The following SH3GLB1 variants were observed in gnomAD, a reference collection of about 807,000 sequenced individuals.
SH3GLB1 encodes the protein SH3 domain containing GRB2 like, endophilin B1.
In SH3GLB1, 17 loss-of-function variants were observed where a neutral mutation model predicts 42.0. That is an observed-to-expected ratio of 0.40 (90% CI 0.28 to 0.61). The LOEUF (loss-of-function observed/expected upper bound fraction) is 0.61, where lower values mean the gene tolerates loss of function less well. Ranked by LOEUF, SH3GLB1 falls within the 20% of genes least tolerant of loss-of-function variation. The pLI is 0.36. For synonymous variants in SH3GLB1, 132 were observed against 146.6 expected, an observed-to-expected ratio of 0.90 and a Z score of 0.72; for missense variants, 355 against 426.3, an observed-to-expected ratio of 0.83 and a Z score of 1.47.
Position 86,747,307 on chromosome 1 carries a change from A to T in SH3GLB1, c.*4072A>T, listed in dbSNP as rs1033305632. On this transcript the variant is annotated 3_prime_UTR_variant, in exon 9 of 9. Coordinates refer to ENST00000370558, the MANE Select transcript of SH3GLB1 (RefSeq NM_016009.5). The stretch of plus-strand genomic sequence containing the variant: ...AATGAAAGAAAAATGCAAATTTATA[A>T]GCCTTTTCAGAGACCTACTGAATCA... The T allele has an allele frequency of 1.3e-5, 2 of 152,642 alleles. No homozygotes were observed. The highest frequency in any genetic ancestry group is 1.3e-4 in the Admixed American group (2 of 15,276). The allele number at this position is 152,642 out of a possible 1,614,324, so 9.5% of individuals were successfully genotyped here.
In SH3GLB1 at chr1:86,742,336, A is replaced by G. The variant is rs774326140; in HGVS notation, c.890A>G (p.Asn297Ser). ...TSGLVITSPSNLSDLKECSGS... is the reference protein window; with the variant it reads ...TSGLVITSPSSLSDLKECSGS... ...GGCCTAGTAATCACCTCTCCTTCCA[A>G]CCTCAGTGACCTTAAGGAGTGTAGT... is the stretch of plus-strand genomic sequence containing the variant. Residue 297 changes from asparagine to serine, a missense_variant, in exon 8 of 9, where the codon AAC becomes AGC. By Grantham distance (46) the Asn-to-Ser change is conservative. Transcript: ENST00000370558. The G allele has an allele frequency of 6.2e-7, 1 of 1,613,970 alleles. No individual in the cohort carries two copies. The highest frequency in any genetic ancestry group is 8.5e-7 in the Non-Finnish European group (1 of 1,179,974).
chr1:86,730,199 T>G, intron 5 of SH3GLB1: 1 of 1,521,976 alleles, frequency 6.6e-7, no homozygotes, highest in Non-Finnish European at 8.8e-7. Context: ...AACCCATGGG[T>G]CCAGTCACAG....
chr1:86,745,958 G>A lies in SH3GLB1; in HGVS notation c.*2723G>A, dbSNP rs975883541. On this transcript the variant is annotated 3_prime_UTR_variant, in exon 9 of 9. Coordinates refer to ENST00000370558, the MANE Select transcript of SH3GLB1 (RefSeq NM_016009.5). ...GGCTCTTCTATAAATGAAAAAAAAA[G>A]TGATTGGATTGTGTCTACCTTTTTC... The A allele has an allele frequency of 1.3e-5, 2 of 152,638 alleles. No individual in the cohort carries two copies. Among genetic ancestry groups the A allele is most frequent in the East Asian group, 3.9e-4 (2 of 5,176 alleles). The allele number at this position is 152,638 out of a possible 1,614,324, so 9.5% of individuals were successfully genotyped here. A position where few individuals can be genotyped will look rare whatever the true frequency, so the allele number is the denominator to read the frequency against.
chr1:86,705,640 A>G (rs1653817871), intron 1 of SH3GLB1, among the ~76,000 whole-genome samples: 1 of 152,178 alleles, frequency 6.6e-6, no homozygotes, highest in East Asian at 1.9e-4. Flanking sequence ...GGATATTGTT[A>G]TGGCTGTAGT....
intron 5 of SH3GLB1, chr1:86,728,396 A>G: frequency 4.6e-6 from 7 of 1,524,846 alleles, no homozygotes; most frequent in Non-Finnish European, 6.2e-6. Flanking sequence ...CTTACTATGC[A>G]CTTAAGCAAC....
In SH3GLB1 at chr1:86,743,279, A is replaced by T. The variant is rs747890781; in HGVS notation, c.*44A>T. 1 of 1,319,696 alleles carries T rather than the reference A, an allele frequency of 7.6e-7. No homozygotes were observed. Among genetic ancestry groups the T allele is most frequent in the Admixed American group, 2.2e-5 (1 of 44,900 alleles). 81.7% of individuals were successfully genotyped at this position (1,319,696 alleles called of 1,614,324 possible). On this transcript the variant is annotated 3_prime_UTR_variant, in exon 9 of 9. Transcript: ENST00000370558. ...GGTTGCCCATCATGACTTTGTATTT[A>T]TATACAATTAACTCTAAATAAAGCA... is the stretch of plus-strand genomic sequence containing the variant.
chr1:86,706,866 A>G (rs1377627317), intron 1 of SH3GLB1, among the ~76,000 whole-genome samples: 1 of 152,224 alleles, frequency 6.6e-6, no homozygotes. Flanking sequence ...AGCTCTCAAA[A>G]TGTGTACTTC....
At chr1:86,730,720 T>C (rs1655463745) in intron 5 of SH3GLB1, among the ~76,000 whole-genome samples, 1 of 152,100 alleles carries the variant, frequency 6.6e-6, no homozygotes, top group Non-Finnish European at 1.5e-5. Context: ...CAGGCTGGTC[T>C]CGAACTCCTG....
At chr1:86,706,390 T>C (rs1050242414) in intron 1 of SH3GLB1, among the ~76,000 whole-genome samples, 1 of 152,276 alleles carries the variant, frequency 6.6e-6, no homozygotes, top group Non-Finnish European at 1.5e-5. Flanking sequence ...CCTTCTAGCT[T>C]TTGATTTCTA....
intron 1 of SH3GLB1, 68 bp from the exon 2 acceptor site, chr1:86,715,656 A>C: frequency 6.8e-7 from 1 of 1,468,794 alleles, no homozygotes; most frequent in Admixed American, 2.5e-5. Flanking sequence ...TTTGCTTTTT[A>C]CTTATTGATA....
Position 86,745,883 on chromosome 1 carries a change from T to C in SH3GLB1, c.*2648T>C, listed in dbSNP as rs1656276465. 6.6e-6 allele frequency: 1 copy of C among 152,610 alleles called. No homozygotes were observed. The highest frequency in any genetic ancestry group is 2.4e-5 in the African/African-American group (1 of 41,442). 9.5% of individuals were successfully genotyped at this position (152,610 alleles called of 1,614,324 possible). A position where few individuals can be genotyped will look rare whatever the true frequency, so the allele number is the denominator to read the frequency against. On this transcript the variant is annotated 3_prime_UTR_variant, in exon 9 of 9. Coordinates refer to ENST00000370558, the MANE Select transcript of SH3GLB1 (RefSeq NM_016009.5). ...TGCCACTGAGCTTAATCTGAAAGTATAGTGACATGTGAAGGATGCACATAT... is the reference window on the plus strand; with the variant it reads ...TGCCACTGAGCTTAATCTGAAAGTACAGTGACATGTGAAGGATGCACATAT...
At chr1:86,713,555 C>G (rs987316731) in intron 1 of SH3GLB1, among the ~76,000 whole-genome samples, 5 of 152,158 alleles carry the variant, frequency 3.3e-5, no homozygotes, top group African/African-American at 1.2e-4. Flanking sequence ...GGACTATACA[C>G]TCTTTCCTTA....
intron 2 of SH3GLB1, among the ~76,000 whole-genome samples, chr1:86,718,189 G>T (rs1022964335): frequency 6.6e-6 from 1 of 151,730 alleles, no homozygotes; most frequent in Admixed American, 6.6e-5. Flanking sequence ...ACAGGCATGC[G>T]CTACCACACC....
chr1:86,724,708 C>T (rs936303631), intron 5 of SH3GLB1, among the ~76,000 whole-genome samples: 2 of 150,930 alleles, frequency 1.3e-5, no homozygotes, highest in Admixed American at 1.3e-4. Context: ...CCCCGTCTCT[C>T]TACAGAAAGT....
chr1:86,705,746 C>T (rs1253437036), intron 1 of SH3GLB1, among the ~76,000 whole-genome samples: 1 of 152,178 alleles, frequency 6.6e-6, no homozygotes, highest in African/African-American at 2.4e-5. Context: ...GAACTTGGGC[C>T]GTTTCCCACA....
Position 86,735,183 on chromosome 1 carries a change from A to G in SH3GLB1, c.761+4A>G. ...ACCTCCAGAAACAACTGGGAAGGTG[A>G]TAATTTACTTTTCACATGTAAAGAG... On this transcript the variant is annotated splice_donor_region_variant and intron_variant, in intron 7 of 8. Transcript: ENST00000370558. 1 of 1,594,818 alleles carries G rather than the reference A, an allele frequency of 6.3e-7. No individual in the cohort carries two copies. The highest frequency in any genetic ancestry group is 1.1e-5 in the South Asian group (1 of 90,530).
chr1:86,716,895 T>C (rs915760933), intron 2 of SH3GLB1, among the ~76,000 whole-genome samples: 3 of 152,238 alleles, frequency 2.0e-5, no homozygotes, highest in African/African-American at 7.2e-5. Context: ...ATATGACATA[T>C]GCTTACTTTT....
intron 1 of SH3GLB1, among the ~76,000 whole-genome samples, chr1:86,710,982 C>G (rs990875862): frequency 1.3e-5 from 2 of 152,160 alleles, no homozygotes; most frequent in African/African-American, 4.8e-5. Context: ...AAATTAGAAT[C>G]TTAGGGGTTG....
In SH3GLB1 at chr1:86,745,853, C is replaced by G. The variant is rs756151098; in HGVS notation, c.*2618C>G. 1 of 152,416 alleles carries G rather than the reference C, an allele frequency of 6.6e-6. No homozygotes were observed. The highest frequency in any genetic ancestry group is 1.5e-5 in the Non-Finnish European group (1 of 68,020). The allele number at this position is 152,416 out of a possible 1,614,324, so 9.4% of individuals were successfully genotyped here. A position where few individuals can be genotyped will look rare whatever the true frequency, so the allele number is the denominator to read the frequency against. ...TGCAGTTCAGAATTGTTTAAATAAG[C>G]TCTGTGCCACTGAGCTTAATCTGAA... On this transcript the variant is annotated 3_prime_UTR_variant, in exon 9 of 9. Transcript: ENST00000370558.
Sources: allele counts gnomAD v4.1 joint callset (sites outside exome capture counted in the v4.1 genomes callset), GRCh38; gene constraint gnomAD v4.1.1; transcripts MANE v1.5; gene names NCBI Gene and HGNC (gene_info 2026-07-23, HGNC 2026-07-21).